Variants in MIDEAS observed in about 807,000 individuals in gnomAD.
The protein encoded by MIDEAS is mitotic deacetylase associated SANT domain protein.
A neutral mutation model predicts 102.7 loss-of-function variants in MIDEAS; 26 were observed. The ratio of observed to expected loss-of-function variants is 0.25; its 90% confidence interval spans 0.19 to 0.35. The LOEUF (loss-of-function observed/expected upper bound fraction) is 0.35, where lower values mean the gene tolerates loss of function less well. MIDEAS is among the 10% of genes least tolerant of loss of function. The probability of loss-of-function intolerance (pLI) is 1.00; values close to 1 mark genes in which losing one functional copy is unlikely to be tolerated. For missense variants in MIDEAS, 1,231 were observed against 1,435.6 expected (o/e 0.86, Z 2.30); for synonymous variants, 585 against 591.0 (o/e 0.99, Z 0.15).
At chr14:73,781,750 A>AAAC (rs1246196884) in intron 1 of MIDEAS, among the ~76,000 whole-genome samples, 5 of 151,060 alleles carry the variant, frequency 3.3e-5, no homozygotes, top group African/African-American at 9.7e-5. Context: ...AAAAAAAAAA[A>AAAC]AAAAAACTGA....
In MIDEAS at chr14:73,725,066, T is replaced by C. The variant is rs2053042259; in HGVS notation, c.2574+206A>G. The C allele has an allele frequency of 2.0e-6, 1 of 489,788 alleles. No homozygotes were observed. The highest frequency in any genetic ancestry group is 3.8e-5 in the East Asian group (1 of 26,026). 30.3% of individuals were successfully genotyped at this position (489,788 alleles called of 1,614,324 possible). On this transcript the variant is annotated intron_variant, in intron 9 of 12. Transcript: ENST00000423556. This position sits in a 1 kb window ranked among gnomAD's most constrained non-coding sequence, Gnocchi z 4.1. ...ACCCCAGAGCTTGGCCACCCTACCC[T>C]GAAGTGAGGAAAGGATGCTTAGAAC...
chr14:73,722,521 C>T, intron 10 of MIDEAS, 177 bp downstream of exon 10: 2 of 585,838 alleles, frequency 3.4e-6, no homozygotes, highest in Non-Finnish European at 5.9e-6. Context: ...TACTATGACA[C>T]CAGCAGTATA....
intron 1 of MIDEAS, among the ~76,000 whole-genome samples, chr14:73,748,207 T>C (rs2140138358): frequency 6.6e-6 from 1 of 152,284 alleles, no homozygotes. Flanking sequence ...TCCTACCTTA[T>C]CCATAATTAC....
At chr14:73,788,096 C>T (rs1387084547), upstream of MIDEAS, among the ~76,000 whole-genome samples, 1 of 149,010 alleles carries the variant, frequency 6.7e-6, no homozygotes, top group African/African-American at 2.5e-5. Flanking sequence ...CAGCAGTCTT[C>T]AAGGAAGAAC....
Position 73,725,995 on chromosome 14 carries a change from G to A in MIDEAS, c.2485+38C>T. ...GCCCCATGGATGCTGGAGACCTCTT[G>A]AGGCTCCAGGCACCATGCCCACCGC... On this transcript the variant is annotated intron_variant, in intron 8 of 12. Coordinates refer to ENST00000423556, the MANE Select transcript of MIDEAS (RefSeq NM_001367710.1). This position sits in a 1 kb window ranked among gnomAD's most constrained non-coding sequence, Gnocchi z 4.1. 6.5e-7 allele frequency: 1 copy of A among 1,542,050 alleles called. No individual in the cohort carries two copies. Among genetic ancestry groups the A allele is most frequent in the Non-Finnish European group, 8.8e-7 (1 of 1,134,016 alleles).
rs2053527619 is a variant in MIDEAS at position 73,759,334 on chromosome 14, T to A, written c.-248+429A>T. 6.6e-6 allele frequency among the ~76,000 whole-genome samples: 1 copy of A among 151,596 alleles called. No homozygotes were observed. Among genetic ancestry groups the A allele is most frequent in the Non-Finnish European group, 1.5e-5 (1 of 67,862 alleles). ...GCCTGGGCTCCGTCACGTCAGCCGGTCCCCACGGACACCACGTTTCTCTCC... is the reference window on the plus strand; with the variant it reads ...GCCTGGGCTCCGTCACGTCAGCCGGACCCCACGGACACCACGTTTCTCTCC... On this transcript the variant is annotated intron_variant, in intron 1 of 12. Coordinates refer to ENST00000423556, the MANE Select transcript of MIDEAS (RefSeq NM_001367710.1). The surrounding 1 kb of genome is among the most constrained non-coding windows in gnomAD (Gnocchi z 6.7).
At chr14:73,743,187 C>T (rs528504983) in intron 1 of MIDEAS, among the ~76,000 whole-genome samples, 1 of 152,184 alleles carries the variant, frequency 6.6e-6, no homozygotes, top group Non-Finnish European at 1.5e-5. Flanking sequence ...ACAGCACACT[C>T]TACACCACCT....
chr14:73,772,862 C>T (rs1464571289), intron 1 of MIDEAS, among the ~76,000 whole-genome samples: 2 of 142,572 alleles, frequency 1.4e-5, no homozygotes, highest in African/African-American at 5.3e-5. Flanking sequence ...GTTTTCGAGA[C>T]AGAGTCTCGC....
intron 1 of MIDEAS, among the ~76,000 whole-genome samples, chr14:73,784,858 G>A (rs578233696): frequency 2.0e-5 from 3 of 152,298 alleles, no homozygotes; most frequent in South Asian, 2.1e-4. Flanking sequence ...GTTTGTCCTC[G>A]AGTTTCTGGA....
intron 2 of MIDEAS, 129 bp from the exon 3 acceptor site, chr14:73,737,426 C>G (rs2053217391): frequency 9.6e-7 from 1 of 1,043,048 alleles, no homozygotes. Flanking sequence ...AAGTTCAAGA[C>G]CAGCCTGGGC....
At chr14:73,744,133 G>C (rs1476224217) in intron 1 of MIDEAS, among the ~76,000 whole-genome samples, 1 of 151,878 alleles carries the variant, frequency 6.6e-6, no homozygotes, top group Non-Finnish European at 1.5e-5. Flanking sequence ...AAGGCCTTTG[G>C]GTGTTCAATG....
At chr14:73,732,691 CAGA>C (rs992607492) in intron 3 of MIDEAS, among the ~76,000 whole-genome samples, 4 of 144,030 alleles carry the variant, frequency 2.8e-5, no homozygotes, top group Admixed American at 7.5e-5. Context: ...GAGGCTGAGG[CAGA>C]AGAATTCCTT....
chr14:73,754,928 A>G lies in MIDEAS; in HGVS notation c.-248+4835T>C, dbSNP rs140739167. The G allele has an allele frequency of 6.6e-5, 10 of 152,292 alleles. 2 individuals carry two copies. The highest frequency in any genetic ancestry group is 2.4e-4 in the African/African-American group (10 of 41,540). 9.4% of individuals were successfully genotyped at this position (152,292 alleles called of 1,614,324 possible). A position where few individuals can be genotyped will look rare whatever the true frequency, so the allele number is the denominator to read the frequency against. On this transcript the variant is annotated intron_variant, in intron 1 of 12. Coordinates refer to ENST00000423556, the MANE Select transcript of MIDEAS (RefSeq NM_001367710.1). ...CATTTTCCTTCTTGTCTGGATTCCA[A>G]TTCCCCAGAGAAGCTGAGCGGCTTT...
At chr14:73,753,230 G>A (rs555064850) in intron 1 of MIDEAS, among the ~76,000 whole-genome samples, 1 of 152,362 alleles carries the variant, frequency 6.6e-6, no homozygotes, top group South Asian at 2.1e-4. Context: ...AGCATCTGGA[G>A]AGGGAGGCAG....
chr14:73,724,025 G>C (rs1372011614), intron 9 of MIDEAS: 1 of 152,192 alleles, frequency 6.6e-6, no homozygotes, highest in Non-Finnish European at 1.5e-5. Context: ...ACAGCTATTC[G>C]AGCTTAGGCA....
intron 1 of MIDEAS, among the ~76,000 whole-genome samples, chr14:73,757,696 C>T (rs1345032546): frequency 6.6e-6 from 1 of 152,174 alleles, no homozygotes; most frequent in Non-Finnish European, 1.5e-5. Flanking sequence ...GGGCCCATTC[C>T]CCTTCCCCTC....
At chr14:73,768,085 A>G (rs2053607061) in intron 1 of MIDEAS, among the ~76,000 whole-genome samples, 1 of 152,158 alleles carries the variant, frequency 6.6e-6, no homozygotes, top group Non-Finnish European at 1.5e-5. Flanking sequence ...GCTTGAGCCC[A>G]GGAGGCAGAG....
rs1241118797 is a variant in MIDEAS, at chr14:73,719,017, G to A, written c.3135-9C>T. ...TCACCTTGTAAAACACCCTGCAGCCGGGTGGGGGTTGCTCAGAACCGGCCT... is the reference window on the plus strand; with the variant it reads ...TCACCTTGTAAAACACCCTGCAGCCAGGTGGGGGTTGCTCAGAACCGGCCT... On this transcript the variant is annotated splice_polypyrimidine_tract_variant and intron_variant, in intron 12 of 12. Transcript: ENST00000423556. 3 of 1,469,998 alleles carry A rather than the reference G, an allele frequency of 2.0e-6. No homozygotes were observed. The highest frequency in any genetic ancestry group is 1.4e-5 in the South Asian group (1 of 72,344). 91.1% of individuals were successfully genotyped at this position (1,469,998 alleles called of 1,614,324 possible). A position where few individuals can be genotyped will look rare whatever the true frequency, so the allele number is the denominator to read the frequency against.
chr14:73,771,175 G>A (rs2053638893), intron 1 of MIDEAS, among the ~76,000 whole-genome samples: 1 of 152,096 alleles, frequency 6.6e-6, no homozygotes, highest in African/African-American at 2.4e-5. Context: ...TCTGACCCTG[G>A]CACACCTCCA....
Sources: gnomAD v4.1 joint callset for allele counts (sites outside exome capture counted in the v4.1 genomes callset) on GRCh38, gnomAD v4.1.1 for gene constraint, Gnocchi (gnomAD v3.1) non-coding constraint, MANE v1.5 for transcripts, NCBI Gene and HGNC (gene_info 2026-07-23, HGNC 2026-07-21) for gene names.